Variants in SYN3 observed in about 807,000 individuals in gnomAD.
SYN3 encodes synapsin III.
A neutral mutation model predicts 65.8 loss-of-function variants in SYN3; 35 were observed. That is an observed-to-expected ratio of 0.53 (90% CI 0.41 to 0.70). SYN3 has a LOEUF of 0.70. Ranked by LOEUF, SYN3 falls within the 30% of genes least tolerant of loss-of-function variation. The pLI is 0.00. For synonymous variants in SYN3, 270 were observed against 292.9 expected, an observed-to-expected ratio of 0.92 and a Z score of 0.80; for missense variants, 680 against 749.0, an observed-to-expected ratio of 0.91 and a Z score of 1.08.
Position 32,527,613 on chromosome 22 carries a change from A to C in SYN3, c.1318+305T>G, listed in dbSNP as rs1219584005. 1.9e-5 allele frequency: 5 copies of C among 263,446 alleles called. No individual in the cohort carries two copies. The South Asian group carries it at 3.2e-4, about 17-fold the overall frequency. The allele number at this position is 263,446 out of a possible 1,614,324, so 16.3% of individuals were successfully genotyped here. A position where few individuals can be genotyped will look rare whatever the true frequency, so the allele number is the denominator to read the frequency against. ...GACTCTGTCTCAAAAGAAAAAAAAA[A>C]AAAAGGAAATAATGACATTTTCACT... On this transcript the variant is annotated intron_variant, in intron 12 of 13. Coordinates refer to ENST00000358763, the MANE Select transcript of SYN3 (RefSeq NM_003490.4).
chr22:33,038,809 C>G (rs1048605790), intron 1 of SYN3, among the ~76,000 whole-genome samples: 1 of 152,208 alleles, frequency 6.6e-6, no homozygotes, highest in African/African-American at 2.4e-5. Flanking sequence ...GCAGCTCTCG[C>G]ACCCCTAAAC....
chr22:32,933,418 G>T (rs2050689835), intron 3 of SYN3, among the ~76,000 whole-genome samples: 1 of 152,024 alleles, frequency 6.6e-6, no homozygotes, highest in Non-Finnish European at 1.5e-5. Flanking sequence ...TGGCACCAGG[G>T]CCTGTGTTTT....
At chr22:32,904,776 AG>A (rs1202542423) in intron 4 of SYN3, among the ~76,000 whole-genome samples, 1 of 152,158 alleles carries the variant, frequency 6.6e-6, no homozygotes, top group Non-Finnish European at 1.5e-5. Context: ...GGAAGCTTTC[AG>A]GTGGGGTAAG....
chr22:32,981,415 A>G (rs941607114), intron 2 of SYN3, among the ~76,000 whole-genome samples: 1 of 151,544 alleles, frequency 6.6e-6, no homozygotes, highest in Non-Finnish European at 1.5e-5. Context: ...GAGAAACCCC[A>G]TCTCTACTAA....
chr22:32,709,733 T>C (rs2147239395), intron 6 of SYN3, among the ~76,000 whole-genome samples: 1 of 152,286 alleles, frequency 6.6e-6, no homozygotes, highest in African/African-American at 2.4e-5. Flanking sequence ...AATGCATCTT[T>C]TTCTTTCCTT....
intron 2 of SYN3, among the ~76,000 whole-genome samples, chr22:32,994,315 G>GCCT (rs2052814973): frequency 1.3e-5 from 2 of 152,138 alleles, no homozygotes; most frequent in African/African-American, 4.8e-5. Context: ...GAGGGGGTAG[G>GCCT]GAGGGGCAGG....
chr22:32,829,907 A>C (rs1350320121), intron 6 of SYN3, among the ~76,000 whole-genome samples: 1 of 152,210 alleles, frequency 6.6e-6, no homozygotes, highest in Non-Finnish European at 1.5e-5. Flanking sequence ...TTAAATGAGA[A>C]ATGAGCATTT....
At chr22:32,859,062 A>C (rs2048459171) in intron 6 of SYN3, 3 of 889,154 alleles carry the variant, frequency 3.4e-6, no homozygotes, top group Non-Finnish European at 5.7e-6. Context: ...TCACTGAGGG[A>C]CTGATGTGGC....
chr22:32,577,917 T>C (rs2058876010), intron 7 of SYN3, among the ~76,000 whole-genome samples: 1 of 152,242 alleles, frequency 6.6e-6, no homozygotes, highest in Non-Finnish European at 1.5e-5. Flanking sequence ...CTTGGTGTCT[T>C]TCTTTTTCAG....
intron 6 of SYN3, among the ~76,000 whole-genome samples, chr22:32,829,251 C>T (rs1402293138): frequency 4.6e-5 from 7 of 152,234 alleles, no homozygotes; most frequent in African/African-American, 1.7e-4. Flanking sequence ...GATCTAAACC[C>T]TCCTTTCGTG....
intron 7 of SYN3, among the ~76,000 whole-genome samples, chr22:32,557,223 G>C (rs986657415): frequency 6.6e-6 from 1 of 152,018 alleles, no homozygotes; most frequent in Non-Finnish European, 1.5e-5. Flanking sequence ...GTCCATGGGA[G>C]AGGCAGATAC....
intron 6 of SYN3, among the ~76,000 whole-genome samples, chr22:32,599,076 T>C (rs1361917454): frequency 6.6e-6 from 1 of 152,210 alleles, no homozygotes; most frequent in East Asian, 1.9e-4. Flanking sequence ...AAAAAAAATC[T>C]GTATTGAGGT....
chr22:32,772,465 G>A (rs1380525086), intron 6 of SYN3, among the ~76,000 whole-genome samples: 3 of 151,910 alleles, frequency 2.0e-5, no homozygotes, highest in Non-Finnish European at 4.4e-5. Flanking sequence ...ACAAGGGTCA[G>A]CAAAGCTTTT....
intron 4 of SYN3, among the ~76,000 whole-genome samples, chr22:32,883,763 A>G (rs1171947643): frequency 2.0e-5 from 3 of 152,242 alleles, no homozygotes; most frequent in African/African-American, 7.2e-5. Flanking sequence ...ATTATGTGAA[A>G]TGCACCAAGG....
intron 6 of SYN3, chr22:32,864,637 T>G (rs2048638777): frequency 2.9e-5 from 8 of 275,490 alleles, no homozygotes. Context: ...GGTTCTAACA[T>G]GCCCCCAGAA....
chr22:32,721,984 TG>T (rs2061125792), intron 6 of SYN3, among the ~76,000 whole-genome samples: 1 of 152,050 alleles, frequency 6.6e-6, no homozygotes. Context: ...CACAGTCCTG[TG>T]GTAGGAAGGA....
At chr22:32,611,845 G>A (rs1664802458) in intron 6 of SYN3, among the ~76,000 whole-genome samples, 3 of 152,154 alleles carry the variant, frequency 2.0e-5, no homozygotes, top group African/African-American at 7.2e-5. Context: ...GCCACTCTTG[G>A]TGGGCTCCTG....
At chr22:32,762,053 C>T (rs2088473499) in intron 6 of SYN3, among the ~76,000 whole-genome samples, 1 of 152,214 alleles carries the variant, frequency 6.6e-6, no homozygotes, top group African/African-American at 2.4e-5. Flanking sequence ...TCTCATTTCA[C>T]AGACTCCAGA....
intron 1 of SYN3, among the ~76,000 whole-genome samples, chr22:33,054,069 G>T (rs779571833): frequency 6.6e-6 from 1 of 152,196 alleles, no homozygotes; most frequent in African/African-American, 2.4e-5. Flanking sequence ...ATCTAAAAAT[G>T]AGGACAATCG....
Sources: gnomAD v4.1 joint callset for allele counts (sites outside exome capture counted in the v4.1 genomes callset) on GRCh38, gnomAD v4.1.1 for gene constraint, MANE v1.5 for transcripts, NCBI Gene and HGNC (gene_info 2026-07-23, HGNC 2026-07-21) for gene names.